Variants in TENM3 observed in about 807,000 individuals in gnomAD.
TENM3 encodes teneurin transmembrane protein 3.
TENM3 carries 63 observed loss-of-function variants against 255.1 expected under a neutral mutation model. The ratio of observed to expected loss-of-function variants is 0.25; its 90% CI spans 0.20 to 0.30. The LOEUF is 0.30. TENM3 is among the 10% of genes least tolerant of loss of function. The probability of loss-of-function intolerance (pLI) is 1.00; values close to 1 mark genes in which losing one functional copy is unlikely to be tolerated. For synonymous variants in TENM3, 1,306 were observed against 1,322.3 expected (o/e 0.99, Z 0.27); for missense variants, 2,929 against 3,461.1 (o/e 0.85, Z 3.86).
intron 22 of TENM3, among the ~76,000 whole-genome samples, chr4:182,762,892 T>C (rs1008728925): frequency 1.3e-5 from 2 of 151,236 alleles, no homozygotes; most frequent in African/African-American, 4.8e-5. Flanking sequence ...TCATCACCAC[T>C]ACCACTTCTC....
At chr4:181,797,443 G>A in the TENM3 span, among the ~76,000 whole-genome samples, 2 of 151,992 alleles carry the variant, frequency 1.3e-5, no homozygotes, top group African/African-American at 2.4e-5. Context: ...TTTTTCCTCT[G>A]GTTGTTTTTG....
chr4:182,407,369 A>G (rs1269467112), intron 3 of TENM3, among the ~76,000 whole-genome samples: 1 of 152,216 alleles, frequency 6.6e-6, no homozygotes, highest in Non-Finnish European at 1.5e-5. Context: ...GCTTCATTTC[A>G]CAGCAACTAA....
At chr4:181,623,755 G>C in the TENM3 span, among the ~76,000 whole-genome samples, 1 of 152,214 alleles carries the variant, frequency 6.6e-6, no homozygotes, top group Non-Finnish European at 1.5e-5. Context: ...ATCAGCAAGA[G>C]GAGTTCATGT....
intron 1 of TENM3, among the ~76,000 whole-genome samples, chr4:182,191,357 C>T (rs1312751469): frequency 6.6e-6 from 1 of 152,154 alleles, no homozygotes; most frequent in Non-Finnish European, 1.5e-5. Flanking sequence ...CACTCTTTGC[C>T]TTTTCTCCGG....
chr4:182,401,861 A>G (rs1453583373), intron 3 of TENM3, among the ~76,000 whole-genome samples: 1 of 152,180 alleles, frequency 6.6e-6, no homozygotes, highest in Non-Finnish European at 1.5e-5. Context: ...CCAAATGCTG[A>G]TGAAAACTTA....
chr4:182,351,364 G>GT (rs1469657610), intron 3 of TENM3, among the ~76,000 whole-genome samples: 2 of 152,308 alleles, frequency 1.3e-5, no homozygotes, highest in East Asian at 1.9e-4. Flanking sequence ...GGCATCTATT[G>GT]TTTTTTGTCA....
At chr4:182,778,578 C>T (rs1468726760) in intron 24 of TENM3, among the ~76,000 whole-genome samples, 1 of 152,148 alleles carries the variant, frequency 6.6e-6, no homozygotes, top group African/African-American at 2.4e-5. Flanking sequence ...CCCCCCATGA[C>T]ATCTTGGCTA....
the TENM3 span, among the ~76,000 whole-genome samples, chr4:181,956,171 G>GCACT: frequency 6.6e-6 from 1 of 152,052 alleles, no homozygotes; most frequent in Non-Finnish European, 1.5e-5. Context: ...CTTCCTAAGG[G>GCACT]CACTACTCAC....
intron 1 of TENM3, among the ~76,000 whole-genome samples, chr4:182,275,087 C>T (rs58422785): frequency 0.1 from 15,470 of 152,124 alleles, 1,645 homozygotes; most frequent in African/African-American, 0.27. Context: ...GGCCTCCCAG[C>T]GTGCTGGGAT....
At chr4:182,391,881 A>T (rs993079114) in intron 3 of TENM3, among the ~76,000 whole-genome samples, 1 of 152,134 alleles carries the variant, frequency 6.6e-6, no homozygotes, top group Admixed American at 6.5e-5. Context: ...AAAAAAAAAC[A>T]TGCTTATGAA....
chr4:181,880,425 C>G, the TENM3 span, among the ~76,000 whole-genome samples: 1 of 151,654 alleles, frequency 6.6e-6, no homozygotes, highest in Non-Finnish European at 1.5e-5. Flanking sequence ...TGAATGTTAA[C>G]CATTAAAAAT....
intron 3 of TENM3, among the ~76,000 whole-genome samples, chr4:182,587,974 A>G (rs1224610587): frequency 6.6e-6 from 1 of 152,092 alleles, no homozygotes; most frequent in African/African-American, 2.4e-5. Flanking sequence ...AATACAGTGA[A>G]GTTTTCATAA....
chr4:182,721,247 A>G (rs887482972), intron 13 of TENM3, among the ~76,000 whole-genome samples: 14 of 152,176 alleles, frequency 9.2e-5, no homozygotes, highest in Non-Finnish European at 1.9e-4. Flanking sequence ...GTACAGAGAT[A>G]CTACACTCTC....
chr4:181,842,136 G>A, the TENM3 span, among the ~76,000 whole-genome samples: 2 of 151,934 alleles, frequency 1.3e-5, no homozygotes, highest in Non-Finnish European at 2.9e-5. Flanking sequence ...AAATTAAAAG[G>A]CCAGTCAAAT....
At chr4:182,383,209 C>T (rs1767687391) in intron 3 of TENM3, among the ~76,000 whole-genome samples, 1 of 152,098 alleles carries the variant, frequency 6.6e-6, no homozygotes, top group Non-Finnish European at 1.5e-5. Flanking sequence ...TAACAGGATT[C>T]TTGCTGATGG....
intron 27 of TENM3, 92 bp downstream of exon 27, chr4:182,796,859 A>G (rs982631301): frequency 2.5e-5 from 25 of 1,012,062 alleles, no homozygotes; most frequent in Non-Finnish European, 3.3e-5. Context: ...AAACTGTACC[A>G]AAGACAGTTT....
At chr4:181,622,763 A>C in the TENM3 span, among the ~76,000 whole-genome samples, 10 of 152,284 alleles carry the variant, frequency 6.6e-5, no homozygotes, top group Middle Eastern at 0.01. Flanking sequence ...GATAATGGGC[A>C]TATAAATTAG....
rs75980807 is a variant in TENM3, at chr4:182,786,898, A to AATC, written c.5305-2193_5305-2191dup. 8.1e-3 allele frequency among the ~76,000 whole-genome samples: 1,236 copies of AATC among 152,300 alleles called. 4 individuals are homozygous for AATC. The highest frequency in any genetic ancestry group is 0.013 in the Non-Finnish European group (869 of 68,028). ...AGGGTATTTTTTCCTTTCAAAACACAATCACAGGCGCTCAAGAGCCCTAAG... is the reference window on the plus strand; with the variant it reads ...AGGGTATTTTTTCCTTTCAAAACACAATCATCACAGGCGCTCAAGAGCCCTAAG... On this transcript the variant is annotated intron_variant, in intron 24 of 27. Coordinates refer to ENST00000511685, the MANE Select transcript of TENM3 (RefSeq NM_001080477.4).
chr4:181,887,030 A>G, the TENM3 span, among the ~76,000 whole-genome samples: 1 of 152,160 alleles, frequency 6.6e-6, no homozygotes, highest in Admixed American at 6.5e-5. Context: ...CAAATACTTT[A>G]AATACTTTCC....
Sources: gnomAD v4.1 joint callset for allele counts (sites outside exome capture counted in the v4.1 genomes callset) on GRCh38, gnomAD v4.1.1 for gene constraint, MANE v1.5 for transcripts, NCBI Gene and HGNC (gene_info 2026-07-23, HGNC 2026-07-21) for gene names.